The following EPHA6 variants were observed in gnomAD, a reference collection of about 807,000 sequenced individuals.
EPHA6 encodes EPH receptor A6.
Under a neutral mutation model 112.0 loss-of-function variants are expected in EPHA6, and 50 were observed. That is an observed-to-expected ratio of 0.45 (90% CI 0.36 to 0.56). The LOEUF is 0.56. Ranked by LOEUF, EPHA6 falls within the 20% of genes least tolerant of loss-of-function variation. The pLI is 0.00. For synonymous variants in EPHA6, 529 were observed against 490.7 expected (o/e 1.08, Z -1.03); for missense variants, 1,280 against 1,417.4 (o/e 0.90, Z 1.56).
rs2092706746 is a variant in EPHA6, at chr3:97,532,509, A to G, written c.2352A>G (p.Pro784=). The part of the protein sequence containing the change: ...EASIMGQFDH[P]NIIRLEGVVT... The stretch of plus-strand genomic sequence containing the variant: ...GTATCATGGGCCAGTTTGACCATCC[A>G]AACATCATTCGCCTAGAAGGGGTTG... The change falls in exon 11 of 18, where the codon CCA becomes CCG. Residue 784 remains proline (P), a synonymous_variant. Transcript: ENST00000389672. 6.2e-7 allele frequency: 1 copy of G among 1,611,316 alleles called. No individual in the cohort carries two copies. Among genetic ancestry groups the G allele is most frequent in the Admixed American group, 1.7e-5 (1 of 59,630 alleles).
At chr3:97,589,143 G>A (rs1012175351) in intron 11 of EPHA6, among the ~76,000 whole-genome samples, 2 of 151,282 alleles carry the variant, frequency 1.3e-5, no homozygotes, top group African/African-American at 4.9e-5. Flanking sequence ...AGGTTGTATT[G>A]CGATTTTTTC....
At chr3:97,577,004 C>G (rs1471846) in intron 11 of EPHA6, among the ~76,000 whole-genome samples, 42,388 of 151,938 alleles carry the variant, frequency 0.28, 9,247 homozygotes, top group African/African-American at 0.6. Context: ...TGAGGGGACT[C>G]TTTTGTTTTT....
chr3:97,435,324 A>G (rs1052467762), intron 6 of EPHA6, among the ~76,000 whole-genome samples: 1 of 152,316 alleles, frequency 6.6e-6, no homozygotes, highest in Non-Finnish European at 1.5e-5. Flanking sequence ...AATTTTGAAT[A>G]TGCATGACAT....
intron 13 of EPHA6, among the ~76,000 whole-genome samples, chr3:97,628,654 T>A (rs2093878013): frequency 6.6e-6 from 1 of 151,836 alleles, no homozygotes; most frequent in Non-Finnish European, 1.5e-5. Context: ...ATTTGAAGAG[T>A]TTCCTTGAGC....
chr3:97,404,610 T>A (rs2087213804), intron 5 of EPHA6, among the ~76,000 whole-genome samples: 1 of 152,112 alleles, frequency 6.6e-6, no homozygotes, highest in African/African-American at 2.4e-5. Context: ...AGTTAAATAT[T>A]TTAACTTTGT....
chr3:96,911,106 A>T (rs886971325), intron 2 of EPHA6, among the ~76,000 whole-genome samples: 4 of 152,104 alleles, frequency 2.6e-5, no homozygotes, highest in African/African-American at 9.7e-5. Flanking sequence ...GTAAAATATT[A>T]GCCTTATAAA....
intron 5 of EPHA6, among the ~76,000 whole-genome samples, chr3:97,391,436 G>A (rs1242831772): frequency 6.6e-6 from 1 of 151,956 alleles, no homozygotes; most frequent in Non-Finnish European, 1.5e-5. Flanking sequence ...TCAGAAGTCT[G>A]TTCTTTACAT....
intron 1 of EPHA6, among the ~76,000 whole-genome samples, chr3:96,862,573 TG>T (rs935425262): frequency 3.3e-5 from 5 of 151,914 alleles, no homozygotes; most frequent in African/African-American, 1.2e-4. Flanking sequence ...CTTAGTGGCT[TG>T]ATTTATCTCT....
intron 5 of EPHA6, among the ~76,000 whole-genome samples, chr3:97,358,297 A>G (rs1458827144): frequency 6.6e-6 from 1 of 152,018 alleles, no homozygotes; most frequent in Non-Finnish European, 1.5e-5. Flanking sequence ...TGAAGTTACA[A>G]CACTCTAATT....
chr3:97,310,116 A>G (rs2081486937), intron 5 of EPHA6, among the ~76,000 whole-genome samples: 1 of 151,568 alleles, frequency 6.6e-6, no homozygotes, highest in Non-Finnish European at 1.5e-5. Flanking sequence ...ATAAAGCCAA[A>G]ATCTTTATCC....
chr3:97,396,444 T>C (rs2086698497), intron 5 of EPHA6, among the ~76,000 whole-genome samples: 1 of 151,088 alleles, frequency 6.6e-6, no homozygotes, highest in Admixed American at 6.7e-5. Flanking sequence ...TTTATCCATA[T>C]TGTGAATTTG....
chr3:97,238,854 G>A (rs962491066), intron 4 of EPHA6, among the ~76,000 whole-genome samples: 3 of 151,838 alleles, frequency 2.0e-5, no homozygotes. Context: ...AAGAATGGAC[G>A]GGGGCCTGGT....
At chr3:96,874,579 G>C (rs547684430) in intron 2 of EPHA6, among the ~76,000 whole-genome samples, 9 of 152,050 alleles carry the variant, frequency 5.9e-5, no homozygotes, top group Non-Finnish European at 1.3e-4. Flanking sequence ...AAATTGTCCA[G>C]GCAAGGGGCT....
chr3:97,227,046 A>G (rs938657324), intron 4 of EPHA6, among the ~76,000 whole-genome samples: 3 of 152,216 alleles, frequency 2.0e-5, no homozygotes, highest in Non-Finnish European at 4.4e-5. Flanking sequence ...TTCTTCTATT[A>G]TTAAAATATT....
intron 2 of EPHA6, among the ~76,000 whole-genome samples, chr3:96,901,311 A>G (rs2038596681): frequency 6.6e-6 from 1 of 152,136 alleles, no homozygotes; most frequent in Non-Finnish European, 1.5e-5. Flanking sequence ...TGATTTTTGT[A>G]ACAACAATAC....
chr3:97,658,652 G>A (rs529183312), intron 14 of EPHA6, among the ~76,000 whole-genome samples: 1 of 152,034 alleles, frequency 6.6e-6, no homozygotes, highest in South Asian at 2.1e-4. Context: ...CGTGGGAATT[G>A]CAGTTTCAAG....
chr3:97,276,380 G>A (rs2080081140), intron 5 of EPHA6, among the ~76,000 whole-genome samples: 1 of 152,154 alleles, frequency 6.6e-6, no homozygotes. Context: ...ATGGGATGCG[G>A]CTTAGGAGGA....
chr3:97,652,404 T>C (rs1489423246), intron 14 of EPHA6, among the ~76,000 whole-genome samples: 2 of 152,094 alleles, frequency 1.3e-5, no homozygotes, highest in Non-Finnish European at 2.9e-5. Context: ...TCCTGGCTAA[T>C]GAAACCTTGA....
At chr3:97,726,367 T>A (rs975024386) in intron 15 of EPHA6, among the ~76,000 whole-genome samples, 6 of 152,132 alleles carry the variant, frequency 3.9e-5, no homozygotes, top group Non-Finnish European at 4.4e-5. Flanking sequence ...TGCTCCTCTA[T>A]CACAAGAGTA....
Sources: gnomAD v4.1 joint callset for allele counts (sites outside exome capture counted in the v4.1 genomes callset) on GRCh38, gnomAD v4.1.1 for gene constraint, MANE v1.5 for transcripts, NCBI Gene and HGNC (gene_info 2026-07-23, HGNC 2026-07-21) for gene names.